AAK1: variants seen among roughly 807,000 people sequenced by gnomAD.
The protein encoded by AAK1 is AP2 associated kinase 1, also known as AP2-associated protein kinase 1.
Under a neutral mutation model 116.0 loss-of-function variants are expected in AAK1, and 37 were observed. The ratio of observed to expected loss-of-function variants is 0.32; its 90% CI spans 0.25 to 0.42. AAK1 has a LOEUF of 0.42. AAK1 is among the 10% of genes least tolerant of loss of function. The probability of loss-of-function intolerance (pLI) is 1.00; values close to 1 mark genes in which losing one functional copy is unlikely to be tolerated. For missense variants in AAK1, 919 were observed against 1,170.6 expected, an observed-to-expected ratio of 0.79 and a Z score of 3.14; for synonymous variants, 458 against 439.9, an observed-to-expected ratio of 1.04 and a Z score of -0.51.
chr2:69,478,989 T>C lies in AAK1; in HGVS notation c.2642A>G (p.Glu881Gly). 6.2e-7 allele frequency: 1 copy of C among 1,613,876 alleles called. No individual in the cohort carries two copies. Among genetic ancestry groups the C allele is most frequent in the Non-Finnish European group, 8.5e-7 (1 of 1,179,808 alleles). Residue 881 changes from glutamate to glycine, a missense_variant, in exon 20 of 22, where the codon GAG (glutamate) becomes GGG (glycine). This residue lies in a region of AAK1 where 263 missense variants were observed against 285.5 expected (regional missense o/e 0.92). Coordinates refer to ENST00000409085, the MANE Select transcript of AAK1 (RefSeq NM_014911.5). Reference protein sequence around the residue: ...LSNPTTDLLEEFAPTAISAPV... With the variant: ...LSNPTTDLLEGFAPTAISAPV... Reference sequence around the variant, plus strand: ...AGCAGAGATTGCTGTGGGGGCAAACTCTTCCAGAAGGTCAGTAGTAGGGTT... The same window carrying C: ...AGCAGAGATTGCTGTGGGGGCAAACCCTTCCAGAAGGTCAGTAGTAGGGTT...
chr2:69,629,957 A>T (rs1463379975), intron 2 of AAK1, among the ~76,000 whole-genome samples: 2 of 152,190 alleles, frequency 1.3e-5, no homozygotes, highest in Non-Finnish European at 2.9e-5. Context: ...AGGTAAAATA[A>T]ATCTTAGGTA....
intron 2 of AAK1, among the ~76,000 whole-genome samples, chr2:69,634,667 T>C (rs1675370465): frequency 6.6e-6 from 1 of 152,126 alleles, no homozygotes; most frequent in African/African-American, 2.4e-5. Flanking sequence ...CTCTAAGCTA[T>C]GGGTTTGAAG....
chr2:69,605,081 A>G (rs1175471823), intron 2 of AAK1, among the ~76,000 whole-genome samples: 15 of 152,102 alleles, frequency 9.9e-5, no homozygotes, highest in Admixed American at 4.6e-4. Context: ...GAGCCCCAGC[A>G]TGTGCCACAC....
chr2:69,622,329 C>T (rs1024208175), intron 2 of AAK1, among the ~76,000 whole-genome samples: 5 of 151,876 alleles, frequency 3.3e-5, no homozygotes, highest in South Asian at 2.1e-4. Context: ...CCCCGCCCGG[C>T]GGTGGGCTCC....
intron 21 of AAK1, among the ~76,000 whole-genome samples, 155 bp downstream of exon 21, chr2:69,476,725 T>C (rs1240174655): frequency 6.6e-6 from 1 of 152,162 alleles, no homozygotes; most frequent in Non-Finnish European, 1.5e-5. Flanking sequence ...CCTATCTCTA[T>C]CTATCTCTAT....
chr2:69,594,891 C>T, intron 2 of AAK1: 1 of 1,536,602 alleles, frequency 6.5e-7, no homozygotes, highest in Non-Finnish European at 8.9e-7. Context: ...TAGCCTTTTT[C>T]CAGAAAATCG....
At chr2:69,521,281 G>T (rs1669766184) in intron 10 of AAK1, among the ~76,000 whole-genome samples, 1 of 152,204 alleles carries the variant, frequency 6.6e-6, no homozygotes, top group South Asian at 2.1e-4. Flanking sequence ...ATGCTATATA[G>T]TATTCTCTTT....
chr2:69,494,161 G>A (rs529849151), intron 17 of AAK1, among the ~76,000 whole-genome samples: 9 of 152,186 alleles, frequency 5.9e-5, no homozygotes, highest in Admixed American at 1.3e-4. Flanking sequence ...TCTTTCCACC[G>A]AAACCCAAGA....
chr2:69,530,826 G>A, intron 6 of AAK1, 120 bp from the exon 7 acceptor site: 1 of 705,824 alleles, frequency 1.4e-6, no homozygotes, highest in East Asian at 2.7e-5. Flanking sequence ...ATCTGCAGAA[G>A]AGAGTATGAA....
intron 3 of AAK1, among the ~76,000 whole-genome samples, chr2:69,546,185 G>A (rs906909723): frequency 6.6e-6 from 1 of 152,084 alleles, no homozygotes; most frequent in Non-Finnish European, 1.5e-5. Context: ...GAACTCAAAT[G>A]AGTTCGTATC....
At chr2:69,594,971 C>T in intron 2 of AAK1, 2 of 835,140 alleles carry the variant, frequency 2.4e-6, no homozygotes, top group South Asian at 1.3e-5. Flanking sequence ...TACAGAGAAT[C>T]CTTGCCCTTT....
At chr2:69,496,283 T>A (rs1422836516) in intron 16 of AAK1, among the ~76,000 whole-genome samples, 2 of 151,878 alleles carry the variant, frequency 1.3e-5, no homozygotes, top group African/African-American at 4.8e-5. Context: ...GTTTTTTTTT[T>A]TTTTTTGAGA....
intron 9 of AAK1, among the ~76,000 whole-genome samples, chr2:69,525,735 C>T (rs779366555): frequency 1.3e-5 from 2 of 152,122 alleles, no homozygotes; most frequent in Non-Finnish European, 2.9e-5. Flanking sequence ...ACTAGCTGTC[C>T]CTAACCCTAA....
chr2:69,492,518 C>CTTT (rs987331929), intron 17 of AAK1, among the ~76,000 whole-genome samples: 997 of 83,350 alleles, frequency 0.012, 32 homozygotes, highest in East Asian at 0.039. Context: ...CTGGCCAATT[C>CTTT]TTTTTTTTTT....
intron 4 of AAK1, 117 bp downstream of exon 4, chr2:69,544,319 C>T: frequency 1.4e-6 from 1 of 726,854 alleles, no homozygotes; most frequent in South Asian, 1.8e-5. Flanking sequence ...GTTTTCTCAT[C>T]TGTCAAACCA....
At chr2:69,502,170 T>C (rs1334879346) in intron 16 of AAK1, among the ~76,000 whole-genome samples, 1 of 151,336 alleles carries the variant, frequency 6.6e-6, no homozygotes, top group Non-Finnish European at 1.5e-5. Context: ...TTAAAAGATA[T>C]ATATATATAT....
rs943254694 is a variant in AAK1 at position 69,521,001 on chromosome 2, AAGAG to A, written c.1056-17_1056-14del. 1 of 1,613,682 alleles carries A rather than the reference AAGAG, an allele frequency of 6.2e-7. No individual in the cohort carries two copies. Among genetic ancestry groups the A allele is most frequent in the African/African-American group, 1.3e-5 (1 of 75,010 alleles). The stretch of plus-strand genomic sequence containing the variant: ...GGGATCTGTCAGTCTAGAAAGGGAA[AAGAG>A]AAAGGTTCATATTAAAGTATGGGAA... On this transcript the variant is annotated splice_polypyrimidine_tract_variant and intron_variant, in intron 10 of 21. Transcript: ENST00000409085.
At chr2:69,636,064 C>T (rs1675432293) in intron 2 of AAK1, among the ~76,000 whole-genome samples, 2 of 152,130 alleles carry the variant, frequency 1.3e-5, no homozygotes, top group South Asian at 4.2e-4. Flanking sequence ...CTATTGAGGG[C>T]TGATGGGGTG....
At chr2:69,525,169 T>C in intron 9 of AAK1, 57 bp from the exon 10 acceptor site, 1 of 1,565,348 alleles carries the variant, frequency 6.4e-7, no homozygotes, top group South Asian at 1.1e-5. Context: ...ATTTCTTTGT[T>C]AAAGAATAAG....
Sources: gnomAD v4.1 joint callset for allele counts (sites outside exome capture counted in the v4.1 genomes callset) on GRCh38, gnomAD v4.1.1 for gene constraint, gnomAD v4.1.1 regional missense constraint, MANE v1.5 for transcripts, NCBI Gene and HGNC (gene_info 2026-07-23, HGNC 2026-07-21) for gene names.